The following FRMD4A variants were observed in gnomAD, a reference collection of about 807,000 sequenced individuals.
FRMD4A encodes the protein FERM domain-containing protein 4A.
FRMD4A carries 29 observed loss-of-function variants against 129.1 expected under a neutral mutation model. The observed-to-expected ratio is 0.22, with a 90% CI of 0.17 to 0.31. The LOEUF (loss-of-function observed/expected upper bound fraction) is 0.31. FRMD4A is among the 10% of genes least tolerant of loss of function. The pLI, the probability that FRMD4A is intolerant of heterozygous loss-of-function variation, is 1.00. For missense variants in FRMD4A, 1,272 were observed against 1,375.8 expected (o/e 0.92, Z 1.19); for synonymous variants, 634 against 571.6 (o/e 1.11, Z -1.56).
chr10:13,954,758 T>G (rs2095398329), intron 2 of FRMD4A, among the ~76,000 whole-genome samples: 1 of 152,214 alleles, frequency 6.6e-6, no homozygotes, highest in Non-Finnish European at 1.5e-5. Context: ...AGGCAGCACC[T>G]GCAGTTCATC....
chr10:13,930,717 A>G (rs1374051206), intron 2 of FRMD4A, among the ~76,000 whole-genome samples: 1 of 152,196 alleles, frequency 6.6e-6, no homozygotes, highest in Non-Finnish European at 1.5e-5. Context: ...GGAATATAAC[A>G]GTGTAGAATT....
At chr10:13,857,519 G>A (rs1238730925) in intron 3 of FRMD4A, among the ~76,000 whole-genome samples, 3 of 151,784 alleles carry the variant, frequency 2.0e-5, no homozygotes, top group Non-Finnish European at 4.4e-5. Context: ...TTCCTATATT[G>A]CATTTATAAA....
chr10:14,322,812 T>C (rs1297627754), intron 2 of FRMD4A, among the ~76,000 whole-genome samples: 2 of 152,220 alleles, frequency 1.3e-5, no homozygotes, highest in African/African-American at 4.8e-5. Flanking sequence ...TATTCTGGCA[T>C]AGAAGCCAAT....
chr10:14,110,732 G>A (rs1478421375), intron 2 of FRMD4A, among the ~76,000 whole-genome samples: 2 of 152,206 alleles, frequency 1.3e-5, no homozygotes, highest in Non-Finnish European at 2.9e-5. Flanking sequence ...CCATTGAAAT[G>A]TTTTAATCTG....
At chr10:13,800,259 C>T (rs1222473195) in intron 4 of FRMD4A, among the ~76,000 whole-genome samples, 2 of 152,162 alleles carry the variant, frequency 1.3e-5, no homozygotes, top group Non-Finnish European at 2.9e-5. Flanking sequence ...AATTATCCCC[C>T]AAAACCTAGC....
At chr10:13,698,755 C>T (rs7894631) in intron 14 of FRMD4A, among the ~76,000 whole-genome samples, 150 of 152,298 alleles carry the variant, frequency 9.8e-4, no homozygotes, top group African/African-American at 3.1e-3. Context: ...AAGACCCACC[C>T]GGGGTCCCAG....
intron 2 of FRMD4A, among the ~76,000 whole-genome samples, chr10:14,316,508 CAAAA>C (rs760301974): frequency 9.1e-6 from 1 of 109,946 alleles, no homozygotes; most frequent in African/African-American, 3.2e-5. Flanking sequence ...GTGATAGCAG[CAAAA>C]AAAAAAAAAA....
At chr10:13,739,142 G>T (rs2090839767) in intron 11 of FRMD4A, among the ~76,000 whole-genome samples, 1 of 152,188 alleles carries the variant, frequency 6.6e-6, no homozygotes, top group Admixed American at 6.5e-5. Context: ...TGAAATATTT[G>T]TGGGGCGTGA....
At chr10:13,784,277 G>A (rs1426997900) in intron 5 of FRMD4A, among the ~76,000 whole-genome samples, 1 of 152,182 alleles carries the variant, frequency 6.6e-6, no homozygotes, top group Non-Finnish European at 1.5e-5. Flanking sequence ...GTGTGACTCA[G>A]GGCAGTCACA....
chr10:14,112,718 G>T (rs2131797746), intron 2 of FRMD4A, among the ~76,000 whole-genome samples: 1 of 152,212 alleles, frequency 6.6e-6, no homozygotes, highest in South Asian at 2.1e-4. Flanking sequence ...TACGGACGGG[G>T]TTTCATCATG....
At chr10:13,978,941 A>G (rs1001786633) in intron 2 of FRMD4A, among the ~76,000 whole-genome samples, 12 of 152,144 alleles carry the variant, frequency 7.9e-5, no homozygotes, top group African/African-American at 2.7e-4. Flanking sequence ...AAGTGATCCT[A>G]TGGCCATAAA....
chr10:13,720,810 G>A (rs11258556), intron 12 of FRMD4A, among the ~76,000 whole-genome samples: 1,880 of 152,242 alleles, frequency 0.012, 69 homozygotes, highest in South Asian at 0.12. Context: ...AGTCAGGGGC[G>A]TCATTTGTGT....
intron 2 of FRMD4A, among the ~76,000 whole-genome samples, chr10:13,877,799 C>G (rs1408854023): frequency 6.6e-6 from 1 of 152,188 alleles, no homozygotes; most frequent in Non-Finnish European, 1.5e-5. Context: ...GCTGGCTGCC[C>G]CATGAACCAT....
chr10:14,143,598 A>G (rs1001813694), intron 2 of FRMD4A, among the ~76,000 whole-genome samples: 12 of 152,254 alleles, frequency 7.9e-5, no homozygotes, highest in African/African-American at 2.6e-4. Context: ...GATGGTTACA[A>G]TAGTTTTTTG....
intron 18 of FRMD4A, among the ~76,000 whole-genome samples, chr10:13,664,739 T>C (rs1286891356): frequency 6.6e-6 from 1 of 151,966 alleles, no homozygotes. Context: ...CTTGCTATAT[T>C]GCCCAGACTG....
intron 2 of FRMD4A, among the ~76,000 whole-genome samples, chr10:13,928,656 G>T (rs1009670731): frequency 3.9e-5 from 6 of 152,138 alleles, no homozygotes; most frequent in Admixed American, 1.3e-4. Context: ...ATTTGGCATT[G>T]TGCTAAGGCT....
chr10:13,690,816 C>T (rs763139192), intron 15 of FRMD4A, among the ~76,000 whole-genome samples: 1 of 151,960 alleles, frequency 6.6e-6, no homozygotes, highest in African/African-American at 2.4e-5. Context: ...ATTTGAAGAT[C>T]GCTTCATTGT....
At chr10:14,218,585 G>A (rs1027227556) in intron 2 of FRMD4A, among the ~76,000 whole-genome samples, 1 of 152,166 alleles carries the variant, frequency 6.6e-6, no homozygotes, top group African/African-American at 2.4e-5. Context: ...TGGGCACGGT[G>A]TCTCACGCCT....
intron 6 of FRMD4A, among the ~76,000 whole-genome samples, chr10:13,779,618 G>A (rs1322224070): frequency 6.6e-6 from 1 of 152,134 alleles, no homozygotes; most frequent in Non-Finnish European, 1.5e-5. Flanking sequence ...GCTTTCTGTG[G>A]CCCTACATTA....
Sources: allele counts gnomAD v4.1 joint callset (sites outside exome capture counted in the v4.1 genomes callset), GRCh38; gene constraint gnomAD v4.1.1; transcripts MANE v1.5; gene names NCBI Gene and HGNC (gene_info 2026-07-23, HGNC 2026-07-21).